AUTS2: variants seen among roughly 807,000 people sequenced by gnomAD.
The protein encoded by AUTS2 is activator of transcription and developmental regulator AUTS2, also known as autism susceptibility gene 2 protein.
A neutral mutation model predicts 112.4 loss-of-function variants in AUTS2; 17 were observed. That is an observed-to-expected ratio of 0.15 (90% confidence interval 0.10 to 0.23). The LOEUF (loss-of-function observed/expected upper bound fraction) is 0.23, where lower values mean the gene tolerates loss of function less well. Ranked by LOEUF, AUTS2 falls within the 10% of genes least tolerant of loss-of-function variation. The pLI, the probability that AUTS2 is intolerant of heterozygous loss-of-function variation, is 1.00. For missense variants in AUTS2, 1,510 were observed against 1,701.6 expected, an observed-to-expected ratio of 0.89 and a Z score of 1.98; for synonymous variants, 751 against 702.7, an observed-to-expected ratio of 1.07 and a Z score of -1.09.
chr7:69,714,515 A>G (rs980293766), intron 1 of AUTS2, among the ~76,000 whole-genome samples: 4 of 152,172 alleles, frequency 2.6e-5, no homozygotes, highest in African/African-American at 9.6e-5. Flanking sequence ...TTAGTTGTCT[A>G]TATATGTGTG....
chr7:69,616,963 A>G (rs777286124), intron 1 of AUTS2, among the ~76,000 whole-genome samples: 1 of 152,186 alleles, frequency 6.6e-6, no homozygotes, highest in Non-Finnish European at 1.5e-5. Context: ...GGCAGGCAGT[A>G]CTCCAGGCAC....
At chr7:70,661,022 T>G (rs1305367700) in intron 5 of AUTS2, among the ~76,000 whole-genome samples, 1 of 152,078 alleles carries the variant, frequency 6.6e-6, no homozygotes, top group Non-Finnish European at 1.5e-5. Context: ...ATTACCTTCT[T>G]TATTCATTTG....
At chr7:70,433,517 TCC>T (rs1795762432) in intron 4 of AUTS2, among the ~76,000 whole-genome samples, 1 of 152,210 alleles carries the variant, frequency 6.6e-6, no homozygotes, top group Admixed American at 6.5e-5. Flanking sequence ...TTGTTCCTCA[TCC>T]ACCTGCGGTT....
intron 4 of AUTS2, among the ~76,000 whole-genome samples, chr7:70,233,912 T>A (rs1377787946): frequency 6.6e-6 from 1 of 152,252 alleles, no homozygotes; most frequent in Non-Finnish European, 1.5e-5. Context: ...GTCTGCAATT[T>A]CACCTTTCCT....
At chr7:69,915,763 A>G (rs183251070) in intron 2 of AUTS2, among the ~76,000 whole-genome samples, 4 of 152,266 alleles carry the variant, frequency 2.6e-5, no homozygotes, top group Admixed American at 2.6e-4. Context: ...GTCTCACTCT[A>G]TCACCAAGGC....
At chr7:69,809,796 C>G (rs1006449890) in intron 1 of AUTS2, among the ~76,000 whole-genome samples, 1 of 152,098 alleles carries the variant, frequency 6.6e-6, no homozygotes, top group African/African-American at 2.4e-5. Context: ...CAATCAATAC[C>G]ACAATTAACA....
At chr7:70,325,991 C>T (rs561569358) in intron 4 of AUTS2, among the ~76,000 whole-genome samples, 1 of 152,324 alleles carries the variant, frequency 6.6e-6, no homozygotes, top group East Asian at 1.9e-4. Flanking sequence ...GTGTTTGATT[C>T]ATTTAGTCAC....
intron 4 of AUTS2, among the ~76,000 whole-genome samples, chr7:70,145,748 A>G (rs977643147): frequency 6.6e-6 from 1 of 152,092 alleles, no homozygotes; most frequent in East Asian, 1.9e-4. Flanking sequence ...CAAATTTGTA[A>G]AGCTTGGGTC....
At chr7:69,933,353 T>C (rs1796292668) in intron 2 of AUTS2, among the ~76,000 whole-genome samples, 1 of 152,238 alleles carries the variant, frequency 6.6e-6, no homozygotes, top group African/African-American at 2.4e-5. Context: ...ATTAGAATGT[T>C]TATGTAATAG....
At chr7:69,682,139 G>C (rs1796825759) in intron 1 of AUTS2, among the ~76,000 whole-genome samples, 1 of 152,224 alleles carries the variant, frequency 6.6e-6, no homozygotes, top group African/African-American at 2.4e-5. Flanking sequence ...GGTGGTAAAT[G>C]AGTGAGGTCA....
At position 70,287,966 on chromosome 7, in the gene AUTS2, G is replaced by A. The variant is rs73432997; in HGVS notation, c.661-147786G>A. On this transcript the variant is annotated intron_variant, in intron 4 of 18. Coordinates refer to ENST00000342771, the MANE Select transcript of AUTS2 (RefSeq NM_015570.4). The stretch of plus-strand genomic sequence containing the variant: ...TGATCTTAGATATTCCCCCAAAGGT[G>A]TTGATTAGATTCTGGCTACAGCTGA... Among the ~76,000 whole-genome samples the A allele has an allele frequency of 5.0e-3, 759 of 152,276 alleles. 9 individuals carry two copies. Among genetic ancestry groups the A allele is most frequent in the African/African-American group, 0.017 (713 of 41,550 alleles).
intron 4 of AUTS2, among the ~76,000 whole-genome samples, chr7:70,162,283 A>C (rs1215288273): frequency 2.0e-5 from 3 of 150,288 alleles, no homozygotes; most frequent in East Asian, 3.9e-4. Flanking sequence ...CGTCTCTACT[A>C]AAAATACAAA....
chr7:69,760,501 A>G (rs1242059431), intron 1 of AUTS2, among the ~76,000 whole-genome samples: 3 of 152,076 alleles, frequency 2.0e-5, no homozygotes, highest in South Asian at 2.1e-4. Context: ...CCTAAATCCT[A>G]CATACAAAGA....
At chr7:70,753,911 C>A (rs1337971786) in intron 6 of AUTS2, among the ~76,000 whole-genome samples, 1 of 151,980 alleles carries the variant, frequency 6.6e-6, no homozygotes, top group Non-Finnish European at 1.5e-5. Flanking sequence ...AATCCCCGCA[C>A]TTTGGGAGGC....
At chr7:69,934,215 G>A (rs780174982) in intron 2 of AUTS2, among the ~76,000 whole-genome samples, 3 of 152,176 alleles carry the variant, frequency 2.0e-5, no homozygotes, top group Non-Finnish European at 4.4e-5. Flanking sequence ...ATCTACAGAA[G>A]TGGAGGTGAC....
chr7:70,366,896 T>A (rs1166095877), intron 4 of AUTS2, among the ~76,000 whole-genome samples: 3 of 152,184 alleles, frequency 2.0e-5, no homozygotes, highest in Non-Finnish European at 2.9e-5. Flanking sequence ...CAGTTCATTT[T>A]GGAGATGTTG....
At position 70,637,287 on chromosome 7, in the gene AUTS2, G is replaced by A. The variant is rs947080604; in HGVS notation, c.691-61282G>A. 8.5e-5 allele frequency among the ~76,000 whole-genome samples: 13 copies of A among 152,256 alleles called. No homozygotes were observed. In the East Asian group the frequency reaches 1.5e-3, roughly 18 times the overall value. ...AGGCCACTGGTTTGATGTGGGGCTC[G>A]GCCACTGAGTTTCTTTAAAACCTTC... is the stretch of plus-strand genomic sequence containing the variant. On this transcript the variant is annotated intron_variant, in intron 5 of 18. Transcript: ENST00000342771.
chr7:70,502,053 T>G (rs533914934), intron 5 of AUTS2, among the ~76,000 whole-genome samples: 1 of 152,308 alleles, frequency 6.6e-6, no homozygotes, highest in East Asian at 1.9e-4. Context: ...AACTTGACCA[T>G]TAGTCAAGCT....
rs139526979 is a variant in AUTS2, at chr7:69,901,482, GGAAAA to G, written c.522+1988_522+1992del. On this transcript the variant is annotated intron_variant, in intron 2 of 18. Transcript: ENST00000342771. Reference sequence around the variant, plus strand: ...CCTCTGGTGACAGAGTTTTATGATCGGAAAAGAAGACTAAGACGTAACACATCTTA... The same window carrying G: ...CCTCTGGTGACAGAGTTTTATGATCGGAAGACTAAGACGTAACACATCTTA... Among the ~76,000 whole-genome samples the G allele has an allele frequency of 2.0e-4, 30 of 152,206 alleles. No individual in the cohort carries two copies. The East Asian group carries it at 5.6e-3, about 28-fold the overall frequency.
Sources: gnomAD v4.1 joint callset for allele counts (sites outside exome capture counted in the v4.1 genomes callset) on GRCh38, gnomAD v4.1.1 for gene constraint, MANE v1.5 for transcripts, NCBI Gene and HGNC (gene_info 2026-07-23, HGNC 2026-07-21) for gene names.